Variants in ARID5B observed in about 807,000 individuals in gnomAD.
ARID5B encodes AT-rich interaction domain 5B.
Under a neutral mutation model 97.2 loss-of-function variants are expected in ARID5B, and 13 were observed. The ratio of observed to expected loss-of-function variants is 0.13; its 90% CI spans 0.09 to 0.21. The LOEUF (loss-of-function observed/expected upper bound fraction) is 0.21, where lower values mean the gene tolerates loss of function less well. Among genes scored for constraint, ARID5B ranks in the 10% least tolerant of loss-of-function variants. The pLI, the probability that ARID5B is intolerant of heterozygous loss-of-function variation, is 1.00. For synonymous variants in ARID5B, 556 were observed against 570.3 expected (o/e 0.97, Z 0.36); for missense variants, 1,210 against 1,465.3 (o/e 0.83, Z 2.84).
At chr10:62,049,750 G>A (rs1050070444) in intron 4 of ARID5B, among the ~76,000 whole-genome samples, 3 of 152,170 alleles carry the variant, frequency 2.0e-5, no homozygotes, top group African/African-American at 7.2e-5. Flanking sequence ...GATTAATTGT[G>A]TTTGTAAAAT....
At chr10:62,027,133 CTCTT>C (rs1334289725) in intron 4 of ARID5B, among the ~76,000 whole-genome samples, 1 of 151,894 alleles carries the variant, frequency 6.6e-6, no homozygotes, top group Non-Finnish European at 1.5e-5. Flanking sequence ...TTGTTTTCCT[CTCTT>C]TCTTCCTCCA....
rs147731456 is a variant in ARID5B at position 61,917,579 on chromosome 10, C to T, written c.276+15166C>T. On this transcript the variant is annotated intron_variant, in intron 2 of 9. Transcript: ENST00000279873. The stretch of plus-strand genomic sequence containing the variant: ...ACCTGGCCCAATCCAATTTTTAAAA[C>T]ACTCTTTGTGGGCCAAACAAAATGT... 9.2e-3 allele frequency among the ~76,000 whole-genome samples: 1,406 copies of T among 152,320 alleles called. 34 individuals carry two copies. Among genetic ancestry groups the T allele is most frequent in the African/African-American group, 0.032 (1,345 of 41,572 alleles).
At chr10:61,949,795 A>T (rs767678810) in intron 3 of ARID5B, among the ~76,000 whole-genome samples, 1 of 152,246 alleles carries the variant, frequency 6.6e-6, no homozygotes, top group African/African-American at 2.4e-5. Context: ...ATGAAAGAAT[A>T]AATTCATTTA....
chr10:61,925,299 C>T (rs192929622), intron 2 of ARID5B, among the ~76,000 whole-genome samples: 31 of 152,160 alleles, frequency 2.0e-4, no homozygotes, highest in Non-Finnish European at 3.8e-4. Context: ...TTTATTGTTA[C>T]GGTTTTTGCT....
chr10:61,936,138 T>C (rs1168827544), intron 2 of ARID5B, among the ~76,000 whole-genome samples: 1 of 152,214 alleles, frequency 6.6e-6, no homozygotes. Context: ...TTTATTTTCA[T>C]AGCATCTTGA....
chr10:62,042,484 C>G (rs1483831390), intron 4 of ARID5B, among the ~76,000 whole-genome samples: 1 of 152,180 alleles, frequency 6.6e-6, no homozygotes, highest in African/African-American at 2.4e-5. Flanking sequence ...TTGCAGCTAG[C>G]TGGTGGGTGG....
At chr10:61,969,038 A>T (rs1025025952) in intron 3 of ARID5B, among the ~76,000 whole-genome samples, 2 of 152,150 alleles carry the variant, frequency 1.3e-5, no homozygotes, top group Non-Finnish European at 2.9e-5. Flanking sequence ...TGCCTGGGAG[A>T]TTCAAAATGA....
At chr10:61,918,582 A>G (rs1843950961) in intron 2 of ARID5B, among the ~76,000 whole-genome samples, 1 of 152,230 alleles carries the variant, frequency 6.6e-6, no homozygotes, top group Admixed American at 6.5e-5. Context: ...TAAGGAAACT[A>G]TCATATTAAA....
chr10:62,057,874 A>G (rs1030281914), intron 6 of ARID5B, among the ~76,000 whole-genome samples: 1 of 152,198 alleles, frequency 6.6e-6, no homozygotes, highest in Admixed American at 6.5e-5. Flanking sequence ...GTGTCATTGT[A>G]TATTTGCAAG....
chr10:61,927,167 G>A (rs1299216726), intron 2 of ARID5B, among the ~76,000 whole-genome samples: 1 of 152,098 alleles, frequency 6.6e-6, no homozygotes, highest in Non-Finnish European at 1.5e-5. Context: ...TTCATTTTCT[G>A]CTCAAGAGAT....
chr10:62,016,415 C>A (rs1417641277), intron 4 of ARID5B, among the ~76,000 whole-genome samples: 5 of 152,206 alleles, frequency 3.3e-5, no homozygotes, highest in Non-Finnish European at 7.3e-5. Flanking sequence ...ATAAAAAGCA[C>A]TGCTGATTAA....
At chr10:61,901,797 C>T (rs952851377) in intron 1 of ARID5B, 67 bp downstream of exon 1, 13 of 1,405,702 alleles carry the variant, frequency 9.2e-6, no homozygotes, top group African/African-American at 2.8e-5. Context: ...CCCAGCTCAC[C>T]CACACCTCTG....
chr10:61,951,984 C>T (rs1033426016), intron 3 of ARID5B, among the ~76,000 whole-genome samples: 2 of 152,094 alleles, frequency 1.3e-5, no homozygotes, highest in African/African-American at 4.8e-5. Context: ...CTGATTCCCA[C>T]AAACTTTATA....
chr10:62,004,563 G>C (rs1839122548), intron 4 of ARID5B, among the ~76,000 whole-genome samples: 1 of 152,146 alleles, frequency 6.6e-6, no homozygotes, highest in African/African-American at 2.4e-5. Flanking sequence ...CGTCCTGTTA[G>C]AATAGCCTGG....
intron 3 of ARID5B, among the ~76,000 whole-genome samples, chr10:61,999,213 A>C (rs1388027891): frequency 1.3e-5 from 2 of 152,340 alleles, no homozygotes; most frequent in African/African-American, 2.4e-5. Flanking sequence ...ATGGCGATGC[A>C]TTTTAGACCC....
At chr10:61,971,293 T>G (rs575951831) in intron 3 of ARID5B, among the ~76,000 whole-genome samples, 1 of 152,324 alleles carries the variant, frequency 6.6e-6, no homozygotes, top group South Asian at 2.1e-4. Context: ...GAAATTTAAG[T>G]CAGTCCTCCT....
chr10:62,034,263 T>C (rs1564632756), intron 4 of ARID5B, among the ~76,000 whole-genome samples: 1 of 152,216 alleles, frequency 6.6e-6, no homozygotes, highest in Non-Finnish European at 1.5e-5. Flanking sequence ...TGAATAGTTA[T>C]ATAAGGTTTT....
chr10:61,930,922 G>A (rs1157575506), intron 2 of ARID5B, among the ~76,000 whole-genome samples: 1 of 151,654 alleles, frequency 6.6e-6, no homozygotes, highest in Non-Finnish European at 1.5e-5. Flanking sequence ...ACCATTTTTT[G>A]TCTCTGGCCA....
At chr10:61,936,307 T>C (rs192744920) in intron 2 of ARID5B, among the ~76,000 whole-genome samples, 270 of 152,348 alleles carry the variant, frequency 1.8e-3, no homozygotes, top group Non-Finnish European at 2.9e-3. Context: ...AATGAAAAAC[T>C]TAATATACAT....
Sources: gnomAD v4.1 joint callset for allele counts (sites outside exome capture counted in the v4.1 genomes callset) on GRCh38, gnomAD v4.1.1 for gene constraint, MANE v1.5 for transcripts, NCBI Gene and HGNC (gene_info 2026-07-23, HGNC 2026-07-21) for gene names.